Variants in VPS53 observed in about 807,000 individuals in gnomAD.
VPS53 encodes VPS53 subunit of GARP complex, also known as vacuolar protein sorting-associated protein 53 homolog.
Under a neutral mutation model 107.0 loss-of-function variants are expected in VPS53, and 70 were observed. That is an observed-to-expected ratio of 0.65 (90% CI 0.54 to 0.80). VPS53 has a LOEUF of 0.80. Among genes scored for constraint, VPS53 ranks in the 30% least tolerant of loss-of-function variants. The pLI is 0.00. For missense variants in VPS53, 917 were observed against 1,049.4 expected, an observed-to-expected ratio of 0.87 and a Z score of 1.74; for synonymous variants, 409 against 393.3, an observed-to-expected ratio of 1.04 and a Z score of -0.47.
rs1567684631 is a variant in VPS53, at chr17:623,679, AAAAC to A, written c.975-9_975-6del. ...ATAATCTTGGCAAGTTCTGCCCTTC[AAAAC>A]AAAGAGATAAGAATACTATCAAACA... On this transcript the variant is annotated splice_region_variant and splice_polypyrimidine_tract_variant and intron_variant, in intron 10 of 21. Coordinates refer to ENST00000437048, the MANE Select transcript of VPS53 (RefSeq NM_001128159.3). The A allele has an allele frequency of 6.2e-7, 1 of 1,608,814 alleles. No individual in the cohort carries two copies. Among genetic ancestry groups the A allele is most frequent in the Non-Finnish European group, 8.5e-7 (1 of 1,176,008 alleles).
intron 19 of VPS53, among the ~76,000 whole-genome samples, chr17:528,462 T>C (rs1909281270): frequency 6.6e-6 from 1 of 152,238 alleles, no homozygotes; most frequent in Admixed American, 6.5e-5. Flanking sequence ...TATTCCCTTG[T>C]ATGGATAGAC....
chr17:550,461 T>C (rs1911718855), intron 17 of VPS53, among the ~76,000 whole-genome samples: 1 of 152,160 alleles, frequency 6.6e-6, no homozygotes, highest in Non-Finnish European at 1.5e-5. Context: ...TACCACTATA[T>C]TGCAAAAAGG....
chr17:591,494 C>CT (rs1485896001), intron 12 of VPS53, among the ~76,000 whole-genome samples: 1 of 151,986 alleles, frequency 6.6e-6, no homozygotes, highest in African/African-American at 2.4e-5. Flanking sequence ...TGGATCTTTC[C>CT]TGCTTTCTCT....
chr17:614,303 G>C (rs1465137765), intron 11 of VPS53, among the ~76,000 whole-genome samples: 1 of 151,986 alleles, frequency 6.6e-6, no homozygotes, highest in Non-Finnish European at 1.5e-5. Flanking sequence ...TTAAAAACTA[G>C]GCAGAGAAAA....
At chr17:576,923 A>T (rs774949054) in intron 13 of VPS53, among the ~76,000 whole-genome samples, 21 of 150,426 alleles carry the variant, frequency 1.4e-4, no homozygotes, top group Non-Finnish European at 2.7e-4. Context: ...GCGTTCCCAG[A>T]AAACCTCCCT....
intron 4 of VPS53, among the ~76,000 whole-genome samples, chr17:679,691 A>T (rs990225310): frequency 5.3e-5 from 8 of 152,244 alleles, no homozygotes; most frequent in African/African-American, 1.7e-4. Context: ...GCTGCCAAGA[A>T]ACCAATCTCC....
At chr17:634,068 C>G (rs1197775423) in intron 7 of VPS53, among the ~76,000 whole-genome samples, 2 of 152,214 alleles carry the variant, frequency 1.3e-5, no homozygotes, top group African/African-American at 4.8e-5. Flanking sequence ...AGCCAGGGCA[C>G]CCACAGTCAC....
At chr17:673,470 C>T (rs567120451) in intron 4 of VPS53, among the ~76,000 whole-genome samples, 1 of 152,182 alleles carries the variant, frequency 6.6e-6, no homozygotes, top group Non-Finnish European at 1.5e-5. Flanking sequence ...TCTCACACAC[C>T]CAGCCTCAGC....
At chr17:677,281 AAGT>A (rs1285406236) in intron 4 of VPS53, among the ~76,000 whole-genome samples, 1 of 152,232 alleles carries the variant, frequency 6.6e-6, no homozygotes, top group African/African-American at 2.4e-5. Context: ...AAAGAGAAGA[AAGT>A]GCTGATACAT....
At chr17:568,431 G>C (rs1567634095) in intron 13 of VPS53, among the ~76,000 whole-genome samples, 1 of 151,140 alleles carries the variant, frequency 6.6e-6, no homozygotes, top group Non-Finnish European at 1.5e-5. Flanking sequence ...TTTTTTTGTA[G>C]AGACAGGGTT....
At chr17:559,624 T>C (rs1457828286) in intron 15 of VPS53, among the ~76,000 whole-genome samples, 1 of 152,254 alleles carries the variant, frequency 6.6e-6, no homozygotes, top group Non-Finnish European at 1.5e-5. Flanking sequence ...ACCTGCTATA[T>C]TGCTGCCCTG....
chr17:627,430 C>T (rs1387904638), intron 9 of VPS53, 114 bp from the exon 10 acceptor site: 2 of 1,299,090 alleles, frequency 1.5e-6, no homozygotes, highest in African/African-American at 3.0e-5. Context: ...CTGTATTTCT[C>T]ATGGTTTTAA....
At chr17:640,927 T>C (rs1970401904) in intron 7 of VPS53, among the ~76,000 whole-genome samples, 1 of 152,136 alleles carries the variant, frequency 6.6e-6, no homozygotes, top group Non-Finnish European at 1.5e-5. Context: ...TAATCTCGGC[T>C]CACTGCAACC....
intron 17 of VPS53, among the ~76,000 whole-genome samples, chr17:549,995 C>A (rs1253922783): frequency 1.3e-5 from 2 of 152,186 alleles, no homozygotes; most frequent in Non-Finnish European, 2.9e-5. Flanking sequence ...CAAATTCAGA[C>A]CAAATGTCTG....
chr17:666,824 T>C (rs1428939476), intron 4 of VPS53, among the ~76,000 whole-genome samples: 1 of 150,620 alleles, frequency 6.6e-6, no homozygotes, highest in African/African-American at 2.5e-5. Context: ...GAGGCTGAGG[T>C]AGGAGAATTG....
chr17:523,205 G>C (rs1908880726), intron 19 of VPS53: 1 of 152,890 alleles, frequency 6.5e-6, no homozygotes, highest in Non-Finnish European at 1.5e-5. Context: ...TGGCAACCAG[G>C]GAGCAGAGAA....
chr17:695,071 T>C (rs366151), intron 4 of VPS53, among the ~76,000 whole-genome samples: 2 of 152,090 alleles, frequency 1.3e-5, no homozygotes, highest in South Asian at 2.1e-4. Context: ...AAAGATACAG[T>C]TCTTACCTTC....
intron 11 of VPS53, among the ~76,000 whole-genome samples, chr17:602,706 T>C (rs771667801): frequency 6.6e-5 from 10 of 152,326 alleles, no homozygotes; most frequent in Non-Finnish European, 1.0e-4. Context: ...CACAGGACTA[T>C]CTGGAGGATC....
At chr17:688,918 G>A (rs1375949234) in intron 4 of VPS53, among the ~76,000 whole-genome samples, 1 of 152,210 alleles carries the variant, frequency 6.6e-6, no homozygotes, top group Non-Finnish European at 1.5e-5. Flanking sequence ...TTGCAGACAT[G>A]CTGAAAAGTA....
Sources: gnomAD v4.1 joint callset for allele counts (sites outside exome capture counted in the v4.1 genomes callset) on GRCh38, gnomAD v4.1.1 for gene constraint, MANE v1.5 for transcripts, NCBI Gene and HGNC (gene_info 2026-07-23, HGNC 2026-07-21) for gene names.